SF1: variants seen among roughly 807,000 people sequenced by gnomAD.
The protein encoded by SF1 is branch point-binding protein.
A neutral mutation model predicts 62.5 loss-of-function variants in SF1; 7 were observed. The observed-to-expected ratio is 0.11, with a 90% CI of 0.06 to 0.21. The LOEUF is 0.21. Among genes scored for constraint, SF1 ranks in the 10% least tolerant of loss-of-function variants. The pLI, the probability that SF1 is intolerant of heterozygous loss-of-function variation, is 1.00. For missense variants in SF1, 578 were observed against 884.0 expected (o/e 0.65, Z 4.39); for synonymous variants, 394 against 323.6 (o/e 1.22, Z -2.33).
chr11:64,766,864 CCA>C, intron 12 of SF1, 34 bp downstream of exon 12: 2 of 559,192 alleles, frequency 3.6e-6, no homozygotes, highest in Non-Finnish European at 5.9e-6. Context: ...CACCCCCATC[CCA>C]CCCACCCCCA....
Position 64,768,281 on chromosome 11 carries a change from C to T in SF1, c.893G>A (p.Gly298Asp). 1 of 1,612,810 alleles carries T rather than the reference C, an allele frequency of 6.2e-7. No homozygotes were observed. The highest frequency in any genetic ancestry group is 8.5e-7 in the Non-Finnish European group (1 of 1,179,448). The part of the protein sequence containing the change: ...IASDCKFQRP[G>D]DPQSAQDKAR... The stretch of plus-strand genomic sequence containing the variant: ...TTTATCCTGAGCTGACTGAGGATCA[C>T]CAGGCCTGAAGTGGGGTGGGGGACA... The change falls in exon 9 of 13, where the codon GGT becomes GAT. Residue 298 changes from glycine to aspartate, a missense_variant. Coordinates refer to ENST00000377390, the MANE Select transcript of SF1 (RefSeq NM_004630.4).
rs997511373 is a variant in SF1 at position 64,772,823 on chromosome 11, G to A, written c.236+607C>T. On this transcript the variant is annotated intron_variant, in intron 3 of 12. Transcript: ENST00000377390. ...TTAAGGAAAAAAAAAAAGTAATTTA[G>A]GGTTGGTTGCATGCCTTCCCAAAAT... is the stretch of plus-strand genomic sequence containing the variant. The A allele has an allele frequency of 1.0e-5, 10 of 985,226 alleles. No individual in the cohort carries two copies. The African/African-American group carries it at 1.2e-4, about 12-fold the overall frequency. 61.0% of individuals were successfully genotyped at this position (985,226 alleles called of 1,614,324 possible).
chr11:64,767,765 T>C lies in SF1; in HGVS notation c.1148A>G (p.His383Arg). The C allele has an allele frequency of 1.9e-6, 3 of 1,613,478 alleles. No individual in the cohort carries two copies. Among genetic ancestry groups the C allele is most frequent in the Non-Finnish European group, 2.5e-6 (3 of 1,179,686 alleles). The change falls in exon 10 of 13, where the codon CAT (histidine) becomes CGT (arginine). Residue 383 changes from histidine (H) to arginine (R), a missense_variant. Coordinates refer to ENST00000377390, the MANE Select transcript of SF1 (RefSeq NM_004630.4). The stretch of plus-strand genomic sequence containing the variant: ...TCCGGGCCCACCAGGACCACCTCCA[T>C]GCATGCCGTGGTAGGGCCGACTCTC... ...PSESRPYHGM[H>R]GGGPGGPGGG...
chr11:64,778,394 G>T lies in SF1; in HGVS notation c.-2C>A. 1 of 1,228,526 alleles carries T rather than the reference G, an allele frequency of 8.1e-7. No homozygotes were observed. Among genetic ancestry groups the T allele is most frequent in the African/African-American group, 1.6e-5 (1 of 64,154 alleles). The allele number at this position is 1,228,526 out of a possible 1,614,324, so 76.1% of individuals were successfully genotyped here. ...CGTGGCGTTCGCTCCGGTCGCCATG[G>T]CGCCCCCGGGGACAGGCACCGGCAC... On this transcript the variant is annotated 5_prime_UTR_variant, in exon 1 of 13. Transcript: ENST00000377390.
At chr11:64,776,977 A>C (rs1405459626) in intron 1 of SF1, among the ~76,000 whole-genome samples, 1 of 152,182 alleles carries the variant, frequency 6.6e-6, no homozygotes, top group Admixed American at 6.5e-5. Flanking sequence ...GGGGAGACAA[A>C]AATACACTGA....
chr11:64,774,682 G>A (rs901776491), intron 2 of SF1, among the ~76,000 whole-genome samples: 9 of 152,092 alleles, frequency 5.9e-5, no homozygotes, highest in East Asian at 1.9e-4. Context: ...AATACTGGCC[G>A]GGCACAGTGG....
At chr11:64,771,214 AT>A (rs1260111510) in intron 3 of SF1, among the ~76,000 whole-genome samples, 2 of 152,178 alleles carry the variant, frequency 1.3e-5, no homozygotes, top group Non-Finnish European at 1.5e-5. Context: ...TCTCTCTCTC[AT>A]TTTTTTAAGG....
At chr11:64,766,188 GC>G in intron 12 of SF1, 33 bp from the exon 13 acceptor site, 1 of 1,583,768 alleles carries the variant, frequency 6.3e-7, no homozygotes, top group Non-Finnish European at 8.6e-7. Context: ...GGTCACACGC[GC>G]GGGGGCACAC....
intron 12 of SF1, 112 bp from the exon 13 acceptor site, chr11:64,766,267 T>TA (rs1170357691): frequency 2.3e-3 from 18 of 7,744 alleles, no homozygotes; most frequent in Middle Eastern, 0.038. Context: ...TGGCATGCGG[T>TA]ACGGTGGTGG....
At position 64,771,882 on chromosome 11, in the gene SF1, A is replaced by G. The variant is rs1429735241; in HGVS notation, c.237-1474T>C. 7 of 985,336 alleles carry G rather than the reference A, an allele frequency of 7.1e-6. No individual in the cohort carries two copies. In the African/African-American group the frequency reaches 1.2e-4, roughly 17 times the overall value. 61.0% of individuals were successfully genotyped at this position (985,336 alleles called of 1,614,324 possible). A position where few individuals can be genotyped will look rare whatever the true frequency, so the allele number is the denominator to read the frequency against. ...CAACCTGGGCTCAAAAGCAAAACCA[A>G]TCAGGCATTAGGGCCTCTTTCAAAA... On this transcript the variant is annotated intron_variant, in intron 3 of 12. Coordinates refer to ENST00000377390, the MANE Select transcript of SF1 (RefSeq NM_004630.4).
chr11:64,778,472 A>C lies in SF1; in HGVS notation c.-80T>G. Reference sequence around the variant, plus strand: ...TTCGCAAGCCTCCCGGGGGGAGGGGACCCGAATGCGCTGCCGGAGCGCGCG... The same window carrying C: ...TTCGCAAGCCTCCCGGGGGGAGGGGCCCCGAATGCGCTGCCGGAGCGCGCG... On this transcript the variant is annotated 5_prime_UTR_variant, in exon 1 of 13. Transcript: ENST00000377390. 1 of 1,195,026 alleles carries C rather than the reference A, an allele frequency of 8.4e-7. No homozygotes were observed. Among genetic ancestry groups the C allele is most frequent in the Non-Finnish European group, 1.0e-6 (1 of 964,608 alleles). 74.0% of individuals were successfully genotyped at this position (1,195,026 alleles called of 1,614,324 possible).
chr11:64,769,883 C>T, intron 5 of SF1, 81 bp downstream of exon 5: 1 of 1,075,252 alleles, frequency 9.3e-7, no homozygotes, highest in Non-Finnish European at 1.4e-6. Context: ...AGTAAGCCAA[C>T]AGTCCCCAAT....
Position 64,767,662 on chromosome 11 carries a change from G to A in SF1, c.1251C>T (p.Pro417=). ...GCATCCAAGGGGGTGGGGGTCCATT[G>A]GGGTTGTGCTGCATGGGATGTCCAC... ...GHGGHPMQHN[P]NGPPPPWMQP... The change falls in exon 10 of 13, where the codon CCC becomes CCT. Residue 417 remains proline (P), a synonymous_variant. Coordinates refer to ENST00000377390, the MANE Select transcript of SF1 (RefSeq NM_004630.4). 6.2e-7 allele frequency: 1 copy of A among 1,604,824 alleles called. No individual in the cohort carries two copies. The highest frequency in any genetic ancestry group is 8.5e-7 in the Non-Finnish European group (1 of 1,175,330).
At position 64,773,198 on chromosome 11, in the gene SF1, T is replaced by C. The variant is rs1205733983; in HGVS notation, c.236+232A>G. The C allele has an allele frequency of 4.5e-6, 6 of 1,343,220 alleles. No individual in the cohort carries two copies. The East Asian group carries it at 9.7e-5, about 22-fold the overall frequency. The allele number at this position is 1,343,220 out of a possible 1,614,324, so 83.2% of individuals were successfully genotyped here. On this transcript the variant is annotated intron_variant, in intron 3 of 12. Coordinates refer to ENST00000377390, the MANE Select transcript of SF1 (RefSeq NM_004630.4). The stretch of plus-strand genomic sequence containing the variant: ...TACATGCTTACCAATTGGAAACCAG[T>C]TGTCCATTTTCCTGTAACTTTTTAT...
chr11:64,777,723 T>A, intron 1 of SF1: 5 of 985,568 alleles, frequency 5.1e-6, no homozygotes, highest in Non-Finnish European at 6.0e-6. Flanking sequence ...CCCCAGTCTA[T>A]ACAGTTGCGC....
intron 3 of SF1, chr11:64,772,379 A>G: frequency 1.0e-6 from 1 of 984,518 alleles, no homozygotes; most frequent in Non-Finnish European, 1.2e-6. Flanking sequence ...CTACAACCAA[A>G]ATCTATCTAT....
chr11:64,767,168 C>A lies in SF1; in HGVS notation c.1402+24G>T, dbSNP rs534493081. 5.0e-6 allele frequency: 8 copies of A among 1,613,802 alleles called. No homozygotes were observed. The East Asian group carries it at 1.8e-4, about 36-fold the overall frequency. ...CACTCACCCAAGCCTAGGTGAAGAC[C>A]CACAGCCAGCAGACAGCCATTACCT... On this transcript the variant is annotated intron_variant, in intron 11 of 12. Transcript: ENST00000377390.
chr11:64,778,257 C>T lies in SF1; in HGVS notation c.31+105G>A, dbSNP rs1395538192. ...CCCACGGGCGGGGGCGGCGGCGGCC[C>T]GGGAGCCAGCAGCCCCGCCCCAGGC... is the stretch of plus-strand genomic sequence containing the variant. On this transcript the variant is annotated intron_variant, in intron 1 of 12. Coordinates refer to ENST00000377390, the MANE Select transcript of SF1 (RefSeq NM_004630.4). 1.2e-5 allele frequency: 14 copies of T among 1,200,422 alleles called. No homozygotes were observed. The highest frequency in any genetic ancestry group is 1.6e-5 in the African/African-American group (1 of 61,830). 74.4% of individuals were successfully genotyped at this position (1,200,422 alleles called of 1,614,324 possible).
Position 64,765,583 on chromosome 11 carries a change from C to CT in SF1, c.*234_*235insA. 1 of 1,542,434 alleles carries CT rather than the reference C, an allele frequency of 6.5e-7. No individual in the cohort carries two copies. Among genetic ancestry groups the CT allele is most frequent in the Non-Finnish European group, 8.7e-7 (1 of 1,149,668 alleles). On this transcript the variant is annotated 3_prime_UTR_variant, in exon 13 of 13. Transcript: ENST00000377390. Reference sequence around the variant, plus strand: ...GAGGAGAGAAAGAAGACAAAGAAGACACTCGATGCTACGGGGCGCCAGGAG... The same window carrying CT: ...GAGGAGAGAAAGAAGACAAAGAAGACTACTCGATGCTACGGGGCGCCAGGAG...
Sources: gnomAD v4.1 joint callset for allele counts (sites outside exome capture counted in the v4.1 genomes callset) on GRCh38, gnomAD v4.1.1 for gene constraint, MANE v1.5 for transcripts, NCBI Gene and HGNC (gene_info 2026-07-23, HGNC 2026-07-21) for gene names.